Variants in ERGIC1 observed in about 807,000 individuals in gnomAD.
ERGIC1 encodes the protein endoplasmic reticulum-Golgi intermediate compartment protein 1.
Under a neutral mutation model 38.3 loss-of-function variants are expected in ERGIC1, and 19 were observed. The ratio of observed to expected loss-of-function variants is 0.50; its 90% CI spans 0.35 to 0.73. The LOEUF (loss-of-function observed/expected upper bound fraction) is 0.73, where lower values mean the gene tolerates loss of function less well. Ranked by LOEUF, ERGIC1 falls within the 30% of genes least tolerant of loss-of-function variation. The pLI, the probability that ERGIC1 is intolerant of heterozygous loss-of-function variation, is 0.01. For synonymous variants in ERGIC1, 124 were observed against 157.6 expected, an observed-to-expected ratio of 0.79 and a Z score of 1.60; for missense variants, 294 against 389.2, an observed-to-expected ratio of 0.76 and a Z score of 2.06.
chr5:172,881,559 C>T lies in ERGIC1; in HGVS notation c.21-7140C>T, dbSNP rs367702899. On this transcript the variant is annotated intron_variant, in intron 1 of 9. Transcript: ENST00000393784. ...TAAATAATAAATATTTATTATAATC[C>T]GTCCTTTAGCTTTCTGTGTTTGAGG... Among the ~76,000 whole-genome samples, 13 of 152,272 alleles carry T rather than the reference C, an allele frequency of 8.5e-5. No individual in the cohort carries two copies. In the South Asian group the frequency reaches 1.7e-3, roughly 19 times the overall value.
At chr5:172,936,107 C>T (rs549381924) in intron 9 of ERGIC1, 1 of 152,340 alleles carries the variant, frequency 6.6e-6, no homozygotes, top group South Asian at 2.1e-4. Context: ...GATCAAGGGC[C>T]TTGGCTCTTT....
At chr5:172,842,394 G>A (rs1266832889) in intron 1 of ERGIC1, among the ~76,000 whole-genome samples, 1 of 152,108 alleles carries the variant, frequency 6.6e-6, no homozygotes, top group African/African-American at 2.4e-5. Context: ...AATATTTCAA[G>A]GTGTATATAT....
intron 1 of ERGIC1, among the ~76,000 whole-genome samples, chr5:172,886,087 C>T (rs1466736592): frequency 6.6e-6 from 1 of 152,016 alleles, no homozygotes; most frequent in Non-Finnish European, 1.5e-5. Context: ...CCCAAATTTG[C>T]TGACCTCTCA....
At chr5:172,887,230 C>T (rs766293713) in intron 1 of ERGIC1, among the ~76,000 whole-genome samples, 3 of 152,202 alleles carry the variant, frequency 2.0e-5, no homozygotes, top group Non-Finnish European at 2.9e-5. Flanking sequence ...CCTGTCACCC[C>T]CAAGGGCTGG....
chr5:172,846,069 C>A lies in ERGIC1; in HGVS notation c.20+11636C>A, dbSNP rs555895468. Among the ~76,000 whole-genome samples the A allele has an allele frequency of 3.7e-4, 57 of 152,226 alleles. No homozygotes were observed. The highest frequency in any genetic ancestry group is 1.3e-3 in the African/African-American group (56 of 41,508). ...CAGGGTTATGGTTTTGGGGAAGCATCCCCAGAGGTGAAGCGCCCTTCTCAG... is the reference window on the plus strand; with the variant it reads ...CAGGGTTATGGTTTTGGGGAAGCATACCCAGAGGTGAAGCGCCCTTCTCAG... On this transcript the variant is annotated intron_variant, in intron 1 of 9. Transcript: ENST00000393784. This position sits in a 1 kb window ranked among gnomAD's most constrained non-coding sequence, Gnocchi z 4.0.
intron 9 of ERGIC1, chr5:172,937,774 C>G (rs774809885): frequency 2.0e-5 from 3 of 152,106 alleles, no homozygotes; most frequent in Non-Finnish European, 2.9e-5. Context: ...GAGGCCGAGG[C>G]GGGCAGATCA....
At chr5:172,857,646 C>T (rs927068360) in intron 1 of ERGIC1, among the ~76,000 whole-genome samples, 1 of 146,508 alleles carries the variant, frequency 6.8e-6, no homozygotes, top group Non-Finnish European at 1.5e-5. Flanking sequence ...GTGCACCTGC[C>T]AATAAGGGCT....
Position 172,878,534 on chromosome 5 carries a change from G to A in ERGIC1, c.21-10165G>A, listed in dbSNP as rs77175374. Reference sequence around the variant, plus strand: ...GAGGCTTCGTGCGCAGTAAGCCCTCGCAAGGGGGGTAGCAGCAGTCATAGC... The same window carrying A: ...GAGGCTTCGTGCGCAGTAAGCCCTCACAAGGGGGGTAGCAGCAGTCATAGC... On this transcript the variant is annotated intron_variant, in intron 1 of 9. Coordinates refer to ENST00000393784, the MANE Select transcript of ERGIC1 (RefSeq NM_001031711.3). 3.1e-4 allele frequency among the ~76,000 whole-genome samples: 47 copies of A among 152,258 alleles called. 1 individual carries two copies. The South Asian group carries it at 5.4e-3, about 17-fold the overall frequency.
At chr5:172,906,138 G>A (rs1763016370) in intron 3 of ERGIC1, 1 of 456,112 alleles carries the variant, frequency 2.2e-6, no homozygotes, top group Admixed American at 2.4e-5. Flanking sequence ...TGCTCTTGGT[G>A]GCCTCTGATT....
chr5:172,929,041 G>GT (rs1365411788), intron 7 of ERGIC1, among the ~76,000 whole-genome samples: 7 of 152,076 alleles, frequency 4.6e-5, no homozygotes, highest in Admixed American at 1.3e-4. Flanking sequence ...ATATCAAATT[G>GT]TATCTTGTAT....
At chr5:172,871,113 G>A (rs771931774) in intron 1 of ERGIC1, among the ~76,000 whole-genome samples, 1 of 152,226 alleles carries the variant, frequency 6.6e-6, no homozygotes, top group African/African-American at 2.4e-5. Flanking sequence ...ATCAATCATC[G>A]CATGTGCCCG....
chr5:172,865,236 A>G (rs1249327343), intron 1 of ERGIC1, among the ~76,000 whole-genome samples: 3 of 152,018 alleles, frequency 2.0e-5, no homozygotes, highest in African/African-American at 7.3e-5. Flanking sequence ...TTGTATTTTT[A>G]GTAGAGACTG....
chr5:172,897,975 G>A (rs564349), intron 3 of ERGIC1: 292,268 of 412,754 alleles, frequency 0.71, 104,163 homozygotes, highest in African/African-American at 0.83. Flanking sequence ...ATGCCATTAG[G>A]ATTATGCAGT....
At chr5:172,944,112 A>T (rs1419458652) in intron 9 of ERGIC1, among the ~76,000 whole-genome samples, 1 of 152,100 alleles carries the variant, frequency 6.6e-6, no homozygotes, top group Non-Finnish European at 1.5e-5. Flanking sequence ...GGGCCCAGGT[A>T]TTGAATTGTC....
At chr5:172,862,849 A>G (rs1761752298) in intron 1 of ERGIC1, among the ~76,000 whole-genome samples, 1 of 152,208 alleles carries the variant, frequency 6.6e-6, no homozygotes, top group Non-Finnish European at 1.5e-5. Flanking sequence ...CTTCTCTCTA[A>G]AATGGAAGAC....
Position 172,897,073 on chromosome 5 carries a change from G to C in ERGIC1, c.154G>C (p.Val52Leu). ...GCTCACCGGATTTATAACGACAGAAGTGTAAGTCATACTTTCCCGATGGGG... is the reference window on the plus strand; with the variant it reads ...GCTCACCGGATTTATAACGACAGAACTGTAAGTCATACTTTCCCGATGGGG... ...SELTGFITTE[V>L]VNELYVDDPD... is the part of the protein sequence containing the mutation. The change falls in exon 3 of 10, where the codon GTT (valine) becomes CTT (leucine). Residue 52 changes from valine (V) to leucine (L), a missense_variant and splice_region_variant. Val to Leu is a conservative substitution (Grantham distance 32). Around this residue, in one of 3 missense-constraint regions of ERGIC1, gnomAD observed 163 missense variants for 225.8 expected, o/e 0.72. Coordinates refer to ENST00000393784, the MANE Select transcript of ERGIC1 (RefSeq NM_001031711.3). 6.2e-7 allele frequency: 1 copy of C among 1,613,910 alleles called. No individual in the cohort carries two copies. The highest frequency in any genetic ancestry group is 8.5e-7 in the Non-Finnish European group (1 of 1,179,802).
chr5:172,890,014 G>C (rs980855260), intron 2 of ERGIC1, among the ~76,000 whole-genome samples: 2 of 152,204 alleles, frequency 1.3e-5, no homozygotes, highest in Admixed American at 6.6e-5. Context: ...TGTGGACTTA[G>C]TAACTCTATT....
At chr5:172,893,893 A>ATG (rs1454635586) in intron 2 of ERGIC1, among the ~76,000 whole-genome samples, 75 of 19,756 alleles carry the variant, frequency 3.8e-3, no homozygotes, top group African/African-American at 7.6e-3. Context: ...ATATATATAT[A>ATG]TATATATATA....
intron 1 of ERGIC1, among the ~76,000 whole-genome samples, chr5:172,860,513 C>G (rs1449338732): frequency 6.6e-6 from 1 of 152,236 alleles, no homozygotes; most frequent in African/African-American, 2.4e-5. Context: ...CATCTGCCCC[C>G]CTCACCACTG....
Sources: allele counts gnomAD v4.1 joint callset (sites outside exome capture counted in the v4.1 genomes callset), GRCh38; gene constraint gnomAD v4.1.1; regional missense constraint gnomAD v4.1.1; non-coding constraint Gnocchi (gnomAD v3.1); transcripts MANE v1.5; gene names NCBI Gene and HGNC (gene_info 2026-07-23, HGNC 2026-07-21).